The following HTR4 variants were observed in gnomAD, a reference collection of about 807,000 sequenced individuals.
The protein encoded by HTR4 is 5-hydroxytryptamine receptor 4.
Under a neutral mutation model 36.8 loss-of-function variants are expected in HTR4, and 16 were observed. The ratio of observed to expected loss-of-function variants is 0.43; its 90% CI spans 0.29 to 0.66. The LOEUF (loss-of-function observed/expected upper bound fraction) is 0.66, where lower values mean the gene tolerates loss of function less well. Among genes scored for constraint, HTR4 ranks in the 30% least tolerant of loss-of-function variants. HTR4 has a pLI of 0.13. For missense variants in HTR4, 438 were observed against 490.9 expected, an observed-to-expected ratio of 0.89 and a Z score of 1.02; for synonymous variants, 189 against 185.1, an observed-to-expected ratio of 1.02 and a Z score of -0.17.
intron 6 of HTR4, among the ~76,000 whole-genome samples, chr5:148,492,709 C>G (rs1280370719): frequency 2.0e-5 from 3 of 152,196 alleles, no homozygotes; most frequent in Non-Finnish European, 4.4e-5. Context: ...ACAAAAGCCC[C>G]ATGAAATGGG....
intron 5 of HTR4, chr5:148,451,416 C>T: frequency 2.1e-6 from 3 of 1,407,828 alleles, no homozygotes; most frequent in Non-Finnish European, 2.9e-6. Context: ...TGGGGTGATA[C>T]TTCATAGAGA....
At chr5:148,452,757 C>A (rs1289683075) in intron 5 of HTR4, among the ~76,000 whole-genome samples, 1 of 152,090 alleles carries the variant, frequency 6.6e-6, no homozygotes, top group Non-Finnish European at 1.5e-5. Context: ...CATACAGAAC[C>A]AAAGCATCTG....
intron 2 of HTR4, among the ~76,000 whole-genome samples, chr5:148,623,163 A>G (rs1752975189): frequency 6.6e-6 from 1 of 152,216 alleles, no homozygotes; most frequent in African/African-American, 2.4e-5. Flanking sequence ...AGGGAATGAG[A>G]AAAGACAACA....
intron 6 of HTR4, among the ~76,000 whole-genome samples, chr5:148,483,744 C>G (rs772094324): frequency 7.9e-5 from 12 of 152,250 alleles, no homozygotes; most frequent in Non-Finnish European, 1.5e-4. Context: ...TCGCAGGGAG[C>G]CTGACTTACA....
rs190327854 is a variant in HTR4, at chr5:148,577,187, T to G, written c.27-26925A>C. On this transcript the variant is annotated intron_variant, in intron 2 of 6. Coordinates refer to ENST00000377888, the MANE Select transcript of HTR4 (RefSeq NM_000870.7). ...GCCATCCATTTTCCAAAAAAAGACA[T>G]ACATGTTGCCAACATGCATATGGAA... Among the ~76,000 whole-genome samples the G allele has an allele frequency of 9.9e-5, 15 of 152,186 alleles. No homozygotes were observed. The South Asian group carries it at 3.1e-3, about 32-fold the overall frequency.
Position 148,509,548 on chromosome 5 carries a change from G to A in HTR4, c.984C>T (p.Cys328=), listed in dbSNP as rs142770993. 1.8e-4 allele frequency: 287 copies of A among 1,613,706 alleles called. No homozygotes were observed. In the African/African-American group the frequency reaches 3.3e-3, roughly 19 times the overall value. ...SFRRAFLIIL[C]CDDERYRRPS... ...GTCTTCGGTAGCGCTCATCATCACA[G>A]CAGAGGATGATGAGGAAGGCACGTC... The change falls in exon 6 of 7, where the codon TGC becomes TGT. Residue 328 remains cysteine, a synonymous_variant. Coordinates refer to ENST00000377888, the MANE Select transcript of HTR4 (RefSeq NM_000870.7).
Position 148,561,980 on chromosome 5 carries a change from A to T in HTR4, c.27-11718T>A, listed in dbSNP as rs539941475. ...CCAGGATCTTGGTTTGCTGTTGCCA[A>T]GTACTATGGTTTCTCTTCTTACTTC... is the stretch of plus-strand genomic sequence containing the variant. On this transcript the variant is annotated intron_variant, in intron 2 of 6. Transcript: ENST00000377888. Among the ~76,000 whole-genome samples, 6 of 152,334 alleles carry T rather than the reference A, an allele frequency of 3.9e-5. No homozygotes were observed. The South Asian group carries it at 1.2e-3, about 32-fold the overall frequency.
At position 148,523,190 on chromosome 5, in the gene HTR4, C is replaced by T. The variant is rs1758105463; in HGVS notation, c.507+3G>A. The T allele has an allele frequency of 3.7e-6, 6 of 1,612,970 alleles. No individual in the cohort carries two copies. In the African/African-American group the frequency reaches 8.0e-5, roughly 22 times the overall value. On this transcript the variant is annotated splice_donor_region_variant and intron_variant, in intron 5 of 6. Transcript: ENST00000377888. ...AACCAGTGAGGTCTGTGTGGATACT[C>T]ACCAAATCAATTATGCCAATGTTAT...
intron 2 of HTR4, among the ~76,000 whole-genome samples, chr5:148,619,243 C>G (rs943245930): frequency 4.6e-5 from 7 of 152,106 alleles, no homozygotes; most frequent in African/African-American, 1.7e-4. Flanking sequence ...CTTGTAAACA[C>G]TAGGATTGGG....
At chr5:148,589,719 C>T (rs912051276) in intron 2 of HTR4, among the ~76,000 whole-genome samples, 7 of 151,912 alleles carry the variant, frequency 4.6e-5, no homozygotes, top group Non-Finnish European at 8.8e-5. Flanking sequence ...TGGAGATATA[C>T]TTTACAAAAA....
chr5:148,495,215 T>C (rs995864701), intron 6 of HTR4, among the ~76,000 whole-genome samples: 1 of 152,226 alleles, frequency 6.6e-6, no homozygotes, highest in African/African-American at 2.4e-5. Context: ...ATCACTCTCA[T>C]GTGGACAGAG....
At chr5:148,624,054 C>T (rs1354818825) in intron 2 of HTR4, among the ~76,000 whole-genome samples, 1 of 152,132 alleles carries the variant, frequency 6.6e-6, no homozygotes, top group African/African-American at 2.4e-5. Flanking sequence ...GTACGGTCAG[C>T]TTTAGCACAG....
chr5:148,559,080 T>G (rs958836047), intron 2 of HTR4, among the ~76,000 whole-genome samples: 1 of 152,224 alleles, frequency 6.6e-6, no homozygotes, highest in Non-Finnish European at 1.5e-5. Flanking sequence ...CAGACTACTC[T>G]GTAGAGCGTA....
chr5:148,622,705 C>T (rs944615177), intron 2 of HTR4, among the ~76,000 whole-genome samples: 1 of 152,152 alleles, frequency 6.6e-6, no homozygotes, highest in Non-Finnish European at 1.5e-5. Flanking sequence ...GTTAATGATA[C>T]TTGCCCTTAT....
At chr5:148,553,855 G>T (rs1453099779) in intron 2 of HTR4, among the ~76,000 whole-genome samples, 1 of 152,186 alleles carries the variant, frequency 6.6e-6, no homozygotes, top group African/African-American at 2.4e-5. Context: ...ATGCCTATGT[G>T]ATCCCCCAAT....
chr5:148,634,292 C>G (rs1753447957), intron 2 of HTR4, among the ~76,000 whole-genome samples: 1 of 152,138 alleles, frequency 6.6e-6, no homozygotes, highest in Non-Finnish European at 1.5e-5. Context: ...GGCATCCTCT[C>G]TTCCAAACCC....
At chr5:148,608,832 A>C (rs547603913) in intron 2 of HTR4, among the ~76,000 whole-genome samples, 1 of 152,280 alleles carries the variant, frequency 6.6e-6, no homozygotes, top group South Asian at 2.1e-4. Context: ...TGTCAGAGAG[A>C]TGTAAAAGAA....
At chr5:148,486,909 C>T (rs138548082) in intron 6 of HTR4, among the ~76,000 whole-genome samples, 2 of 152,164 alleles carry the variant, frequency 1.3e-5, no homozygotes, top group Non-Finnish European at 2.9e-5. Context: ...TAAAATGCAG[C>T]GAGATCACAA....
intron 1 of HTR4, among the ~76,000 whole-genome samples, chr5:148,648,530 C>T (rs1753940520): frequency 6.6e-6 from 1 of 152,230 alleles, no homozygotes; most frequent in Non-Finnish European, 1.5e-5. Context: ...GTCTCTATTA[C>T]AAGCCACAGT....
Sources: allele counts gnomAD v4.1 joint callset (sites outside exome capture counted in the v4.1 genomes callset), GRCh38; gene constraint gnomAD v4.1.1; transcripts MANE v1.5; gene names NCBI Gene and HGNC (gene_info 2026-07-23, HGNC 2026-07-21).